MTUS2: variants seen among roughly 807,000 people sequenced by gnomAD.
MTUS2 encodes microtubule-associated tumor suppressor candidate 2.
Under a neutral mutation model 114.1 loss-of-function variants are expected in MTUS2, and 40 were observed. The ratio of observed to expected loss-of-function variants is 0.35; its 90% CI spans 0.27 to 0.46. The LOEUF (loss-of-function observed/expected upper bound fraction) is 0.46, where lower values mean the gene tolerates loss of function less well. Ranked by LOEUF, MTUS2 falls within the 20% of genes least tolerant of loss-of-function variation. The probability of loss-of-function intolerance (pLI) is 1.00; values close to 1 mark genes in which losing one functional copy is unlikely to be tolerated. For synonymous variants in MTUS2, 688 were observed against 672.0 expected, an observed-to-expected ratio of 1.02 and a Z score of -0.37; for missense variants, 1,679 against 1,705.4, an observed-to-expected ratio of 0.98 and a Z score of 0.27.
At chr13:28,992,874 TA>T (rs547306447) in intron 2 of MTUS2, among the ~76,000 whole-genome samples, 308 of 152,296 alleles carry the variant, frequency 2.0e-3, no homozygotes, top group Non-Finnish European at 3.4e-3. Context: ...CCGTCCCCGT[TA>T]AAAAACTTTC....
intron 4 of MTUS2, among the ~76,000 whole-genome samples, chr13:29,092,896 C>T (rs1450420258): frequency 6.6e-6 from 1 of 152,104 alleles, no homozygotes; most frequent in Non-Finnish European, 1.5e-5. Context: ...CTTGAGAGCA[C>T]AAGGAAAGAA....
chr13:28,913,181 G>A (rs549428222), intron 2 of MTUS2, among the ~76,000 whole-genome samples: 1 of 152,266 alleles, frequency 6.6e-6, no homozygotes, highest in East Asian at 1.9e-4. Context: ...AGGCATCCTT[G>A]TCTTGTGCCA....
intron 8 of MTUS2, chr13:29,428,792 C>G (rs763898271): frequency 6.2e-7 from 1 of 1,612,488 alleles, no homozygotes. Context: ...TTAGGAGTTG[C>G]CCGCTGACAC....
At chr13:29,093,901 A>G (rs1274851015) in intron 4 of MTUS2, among the ~76,000 whole-genome samples, 1 of 152,132 alleles carries the variant, frequency 6.6e-6, no homozygotes, top group South Asian at 2.1e-4. Flanking sequence ...CCCTTATAAG[A>G]TTGAATATAT....
chr13:29,155,773 G>GTATA (rs1892834203), intron 5 of MTUS2, among the ~76,000 whole-genome samples: 1 of 151,944 alleles, frequency 6.6e-6, no homozygotes, highest in Non-Finnish European at 1.5e-5. Flanking sequence ...ATAGAGATAT[G>GTATA]TATATATACA....
At chr13:29,309,206 G>T (rs956643288) in intron 6 of MTUS2, among the ~76,000 whole-genome samples, 1 of 152,172 alleles carries the variant, frequency 6.6e-6, no homozygotes, top group Non-Finnish European at 1.5e-5. Context: ...ACTGGATAAA[G>T]AAAATGTGGT....
intron 2 of MTUS2, among the ~76,000 whole-genome samples, chr13:28,935,628 C>T (rs909882762): frequency 1.3e-5 from 2 of 152,154 alleles, no homozygotes; most frequent in African/African-American, 4.8e-5. Flanking sequence ...TCCTGGCAAG[C>T]CCCATCCTTG....
chr13:29,089,967 TGGGG>T (rs1361506395), intron 4 of MTUS2, among the ~76,000 whole-genome samples: 1 of 152,220 alleles, frequency 6.6e-6, no homozygotes, highest in Non-Finnish European at 1.5e-5. Context: ...GAAACATTGC[TGGGG>T]AGCTAATGTG....
chr13:28,910,148 A>G (rs3001955), intron 2 of MTUS2, among the ~76,000 whole-genome samples: 19,540 of 152,032 alleles, frequency 0.13, 1,516 homozygotes, highest in African/African-American at 0.2. Context: ...TTTTATATCT[A>G]TTAACCACTC....
intron 8 of MTUS2, among the ~76,000 whole-genome samples, chr13:29,407,097 T>G (rs746919991): frequency 2.6e-5 from 4 of 152,050 alleles, no homozygotes; most frequent in Non-Finnish European, 5.9e-5. Flanking sequence ...ATACAAAAAA[T>G]TAGCCAGGCG....
At position 29,360,688 on chromosome 13, in the gene MTUS2, A is replaced by ACCC. The variant is rs57156729; in HGVS notation, c.3117+1226_3117+1228dup. Among the ~76,000 whole-genome samples the ACCC allele has an allele frequency of 5.7e-5, 5 of 87,210 alleles. 1 individual carries two copies. Among genetic ancestry groups the ACCC allele is most frequent in the Non-Finnish European group, 7.4e-5 (3 of 40,528 alleles). 57.2% of individuals were successfully genotyped at this position (87,210 alleles called of 152,430 possible). A position where few individuals can be genotyped will look rare whatever the true frequency, so the allele number is the denominator to read the frequency against. On this transcript the variant is annotated intron_variant, in intron 8 of 15. Coordinates refer to ENST00000612955, the MANE Select transcript of MTUS2 (RefSeq NM_001033602.4). ...GTAAGCTTGCATAAAGTAGCCGAAC[A>ACCC]CCCCCCCCCCCCCGTAAGAATTAAA...
At chr13:29,497,785 C>T (rs779674037) in intron 13 of MTUS2, 34 of 179,288 alleles carry the variant, frequency 1.9e-4, no homozygotes, top group Non-Finnish European at 3.5e-4. Flanking sequence ...AAATAAAATA[C>T]AGGACACCCA....
intron 2 of MTUS2, among the ~76,000 whole-genome samples, chr13:28,860,193 T>C (rs1876881071): frequency 1.3e-5 from 2 of 152,224 alleles, no homozygotes; most frequent in African/African-American, 4.8e-5. Flanking sequence ...CTTAAACAAA[T>C]ACTGTTGTTT....
intron 8 of MTUS2, among the ~76,000 whole-genome samples, chr13:29,398,044 C>T (rs1874039180): frequency 6.6e-6 from 1 of 152,012 alleles, no homozygotes; most frequent in South Asian, 2.1e-4. Context: ...ACAAATAGAG[C>T]AAAAACCATC....
At chr13:29,066,862 G>C (rs967569463) in intron 4 of MTUS2, among the ~76,000 whole-genome samples, 1 of 152,242 alleles carries the variant, frequency 6.6e-6, no homozygotes, top group African/African-American at 2.4e-5. Context: ...CTAGGCTTGG[G>C]CAGAGATGTG....
intron 6 of MTUS2, among the ~76,000 whole-genome samples, chr13:29,286,641 A>ACTAT (rs201283014): frequency 3.9e-4 from 51 of 130,786 alleles, no homozygotes; most frequent in African/African-American, 1.2e-3. Flanking sequence ...AAAGCCATGC[A>ACTAT]CTATCTATCT....
At chr13:29,004,013 C>A (rs889652602) in intron 2 of MTUS2, among the ~76,000 whole-genome samples, 1 of 152,142 alleles carries the variant, frequency 6.6e-6, no homozygotes, top group Non-Finnish European at 1.5e-5. Flanking sequence ...GTGAGGAGCT[C>A]CCTCATTTTG....
chr13:29,204,761 G>A (rs574839250), intron 5 of MTUS2, among the ~76,000 whole-genome samples: 6 of 152,278 alleles, frequency 3.9e-5, no homozygotes, highest in Admixed American at 6.5e-5. Flanking sequence ...AGAAGTTTCC[G>A]AAGTCTGCAG....
intron 4 of MTUS2, among the ~76,000 whole-genome samples, chr13:29,057,313 T>G (rs1441507710): frequency 1.3e-5 from 2 of 152,090 alleles, no homozygotes; most frequent in Admixed American, 6.6e-5. Context: ...GTTAGGCCCA[T>G]TCAGTCAAAT....
Sources: allele counts gnomAD v4.1 joint callset (sites outside exome capture counted in the v4.1 genomes callset), GRCh38; gene constraint gnomAD v4.1.1; transcripts MANE v1.5; gene names NCBI Gene and HGNC (gene_info 2026-07-23, HGNC 2026-07-21).